The following IMMP2L variants were observed in gnomAD, a reference collection of about 807,000 sequenced individuals.
IMMP2L encodes mitochondrial inner membrane protease subunit 2.
In IMMP2L, 18 loss-of-function variants were observed where a neutral mutation model predicts 19.3. The ratio of observed to expected loss-of-function variants is 0.93; its 90% CI spans 0.64 to 1.38. IMMP2L has a LOEUF of 1.38. IMMP2L is among the 40% of genes most tolerant of loss of function. IMMP2L has a pLI of 0.00. For synonymous variants in IMMP2L, 76 were observed against 73.0 expected (o/e 1.04, Z -0.21); for missense variants, 233 against 218.2 (o/e 1.07, Z -0.43).
chr7:111,330,081 G>A (rs1825727391), intron 3 of IMMP2L, among the ~76,000 whole-genome samples: 2 of 151,184 alleles, frequency 1.3e-5, no homozygotes, highest in African/African-American at 4.8e-5. Flanking sequence ...CTTGAAATAA[G>A]AATTAAAAAC....
intron 5 of IMMP2L, among the ~76,000 whole-genome samples, chr7:110,836,580 C>T (rs1257349430): frequency 1.3e-5 from 2 of 152,042 alleles, no homozygotes; most frequent in Non-Finnish European, 2.9e-5. Context: ...ACTGAAAGCC[C>T]AATAAACCTC....
intron 5 of IMMP2L, among the ~76,000 whole-genome samples, chr7:110,799,691 C>T (rs907997831): frequency 6.6e-6 from 1 of 151,974 alleles, no homozygotes; most frequent in Non-Finnish European, 1.5e-5. Context: ...TTATTTACCG[C>T]TAGTCATTTT....
chr7:111,194,165 C>T (rs776337592), intron 3 of IMMP2L, among the ~76,000 whole-genome samples: 1 of 152,170 alleles, frequency 6.6e-6, no homozygotes, highest in Non-Finnish European at 1.5e-5. Context: ...TCCTGTAGGA[C>T]TGTGAGCCCC....
chr7:110,994,081 G>A (rs1822777439), intron 3 of IMMP2L, among the ~76,000 whole-genome samples: 1 of 150,870 alleles, frequency 6.6e-6, no homozygotes, highest in East Asian at 1.9e-4. Context: ...TTAATGTGTT[G>A]GGAAATAGCT....
intron 4 of IMMP2L, among the ~76,000 whole-genome samples, chr7:110,887,019 T>C (rs1009556357): frequency 6.6e-6 from 1 of 152,138 alleles, no homozygotes; most frequent in South Asian, 2.1e-4. Context: ...TAACAAAATA[T>C]AGATCTATTT....
chr7:111,085,453 G>A (rs1039295475), intron 3 of IMMP2L, among the ~76,000 whole-genome samples: 2 of 152,196 alleles, frequency 1.3e-5, no homozygotes, highest in Non-Finnish European at 2.9e-5. Flanking sequence ...AAATTTTTGT[G>A]GGTTTGCGTC....
At chr7:111,277,214 AG>A (rs1053426566) in intron 3 of IMMP2L, among the ~76,000 whole-genome samples, 2 of 151,986 alleles carry the variant, frequency 1.3e-5, no homozygotes, top group Non-Finnish European at 2.9e-5. Context: ...CATTTGACAA[AG>A]GGCTAATATC....
intron 3 of IMMP2L, among the ~76,000 whole-genome samples, chr7:111,315,397 T>C (rs1353561416): frequency 6.6e-6 from 1 of 151,718 alleles, no homozygotes; most frequent in Non-Finnish European, 1.5e-5. Flanking sequence ...AATCCTTCAG[T>C]AGCCTATGAG....
Position 111,313,381 on chromosome 7 carries a change from T to A in IMMP2L, c.239+173857A>T, listed in dbSNP as rs140554537. Reference sequence around the variant, plus strand: ...GGTTTTATATCTTTGCAGTAGAGTGTGGAAGGGCAGATATATAGATAAGAG... The same window carrying A: ...GGTTTTATATCTTTGCAGTAGAGTGAGGAAGGGCAGATATATAGATAAGAG... On this transcript the variant is annotated intron_variant, in intron 3 of 5. Transcript: ENST00000405709. 1.4e-3 allele frequency among the ~76,000 whole-genome samples: 218 copies of A among 152,238 alleles called. 1 individual carries two copies. The highest frequency in any genetic ancestry group is 5.0e-3 in the African/African-American group (208 of 41,542).
At chr7:111,233,327 T>C (rs886464048) in intron 3 of IMMP2L, among the ~76,000 whole-genome samples, 1 of 152,142 alleles carries the variant, frequency 6.6e-6, no homozygotes, top group Admixed American at 6.6e-5. Flanking sequence ...ATTTTTAAAA[T>C]GTCACATTTC....
intron 3 of IMMP2L, among the ~76,000 whole-genome samples, chr7:111,094,644 A>G (rs1797217790): frequency 1.3e-5 from 2 of 152,116 alleles, no homozygotes; most frequent in African/African-American, 4.8e-5. Flanking sequence ...GTACTTAGGA[A>G]AGCTTCACTG....
Position 110,685,363 on chromosome 7 carries a change from G to T in IMMP2L, c.409-21642C>A, listed in dbSNP as rs577937197. On this transcript the variant is annotated intron_variant, in intron 5 of 5. Coordinates refer to ENST00000405709, the MANE Select transcript of IMMP2L (RefSeq NM_032549.4). Reference sequence around the variant, plus strand: ...TATCAACTCTGCAAGACTGCCACAAGAATTAAATGGTATAATTTGCAAATC... The same window carrying T: ...TATCAACTCTGCAAGACTGCCACAATAATTAAATGGTATAATTTGCAAATC... Among the ~76,000 whole-genome samples the T allele has an allele frequency of 5.9e-5, 9 of 152,236 alleles. No homozygotes were observed. In the East Asian group the frequency reaches 1.5e-3, roughly 26 times the overall value.
At chr7:110,754,905 A>AT (rs112977198) in intron 5 of IMMP2L, among the ~76,000 whole-genome samples, 19 of 149,488 alleles carry the variant, frequency 1.3e-4, no homozygotes, top group East Asian at 5.9e-4. Context: ...AGCACGTTCT[A>AT]TTTTTTTTTT....
In IMMP2L at chr7:111,213,011, C is replaced by T. The variant is rs1811497416; in HGVS notation, c.240-249446G>A. Among the ~76,000 whole-genome samples the T allele has an allele frequency of 6.6e-6, 1 of 152,216 alleles. No homozygotes were observed. Among genetic ancestry groups the T allele is most frequent in the African/African-American group, 2.4e-5 (1 of 41,468 alleles). ...TTCCAGGACTGCGCTCTCCACAGAG[C>T]TGGCAGGAGCTGGAAGCAGCCAGAA... On this transcript the variant is annotated intron_variant, in intron 3 of 5. Coordinates refer to ENST00000405709, the MANE Select transcript of IMMP2L (RefSeq NM_032549.4). This position sits in a 1 kb window ranked among gnomAD's most constrained non-coding sequence, Gnocchi z 4.8.
chr7:111,408,098 T>C (rs1349246717), intron 3 of IMMP2L, among the ~76,000 whole-genome samples: 1 of 151,954 alleles, frequency 6.6e-6, no homozygotes, highest in East Asian at 1.9e-4. Flanking sequence ...AAATAAAACA[T>C]TCTACCTTAA....
chr7:110,887,188 G>C (rs1419950241), intron 4 of IMMP2L, among the ~76,000 whole-genome samples: 1 of 151,818 alleles, frequency 6.6e-6, no homozygotes, highest in Admixed American at 6.6e-5. Flanking sequence ...AAGAAATAAA[G>C]GAAAGAACAT....
intron 5 of IMMP2L, among the ~76,000 whole-genome samples, chr7:110,694,619 CAGAG>C (rs1234273051): frequency 2.6e-5 from 4 of 151,946 alleles, no homozygotes; most frequent in Non-Finnish European, 4.4e-5. Context: ...CATAGTGAAA[CAGAG>C]AGAGCGAGAG....
intron 3 of IMMP2L, among the ~76,000 whole-genome samples, chr7:111,012,532 G>A (rs1437083245): frequency 2.0e-5 from 3 of 152,072 alleles, no homozygotes; most frequent in Non-Finnish European, 2.9e-5. Context: ...AGGGGCAAAT[G>A]AAACATAGTT....
At chr7:111,336,742 A>G (rs1826456900) in intron 3 of IMMP2L, among the ~76,000 whole-genome samples, 1 of 151,962 alleles carries the variant, frequency 6.6e-6, no homozygotes, top group South Asian at 2.1e-4. Context: ...CACTTATTTT[A>G]TAGTATTGAT....
Sources: allele counts gnomAD v4.1 joint callset (sites outside exome capture counted in the v4.1 genomes callset), GRCh38; gene constraint gnomAD v4.1.1; non-coding constraint Gnocchi (gnomAD v3.1); transcripts MANE v1.5; gene names NCBI Gene and HGNC (gene_info 2026-07-23, HGNC 2026-07-21).